MICALL2: variants seen among roughly 807,000 people sequenced by gnomAD.
The protein encoded by MICALL2 is MICAL-like protein 2.
MICALL2 carries 111 observed loss-of-function variants against 91.1 expected under a neutral mutation model. That is an observed-to-expected ratio of 1.22 (90% CI 1.04 to 1.43). MICALL2 has a LOEUF of 1.43. MICALL2 is among the 40% of genes most tolerant of loss of function. MICALL2 has a pLI of 0.00. For synonymous variants in MICALL2, 694 were observed against 525.3 expected (o/e 1.32, Z -4.39); for missense variants, 1,556 against 1,236.0 (o/e 1.26, Z -3.88).
At chr7:1,443,616 TAGAAGAGAC>T (rs1780417529) in intron 6 of MICALL2, among the ~76,000 whole-genome samples, 2 of 152,144 alleles carry the variant, frequency 1.3e-5, no homozygotes, top group South Asian at 4.1e-4. Context: ...ACCATGTCCT[TAGAAGAGAC>T]AGAAGAGGAG....
chr7:1,435,261 T>A, intron 15 of MICALL2, 114 bp from the exon 16 acceptor site: 1 of 1,007,162 alleles, frequency 9.9e-7, no homozygotes, highest in South Asian at 1.4e-5. Flanking sequence ...CCTGGACCCA[T>A]GCCACCTGCC....
intron 6 of MICALL2, 152 bp from the exon 7 acceptor site, chr7:1,442,636 C>A: frequency 1.4e-6 from 1 of 727,808 alleles, no homozygotes; most frequent in Non-Finnish European, 2.2e-6. Context: ...CTCCACCTCC[C>A]CCACCATTGC....
Position 1,434,377 on chromosome 7 carries a change from G to T in MICALL2, c.*219C>A, listed in dbSNP as rs755478897. On this transcript the variant is annotated 3_prime_UTR_variant, in exon 17 of 17. Coordinates refer to ENST00000297508, the MANE Select transcript of MICALL2 (RefSeq NM_182924.4). Reference sequence around the variant, plus strand: ...GTAGGAGTCCGGGGCCATGTGGTCGGTTTCTTTATTGAGACCACAGACGGT... The same window carrying T: ...GTAGGAGTCCGGGGCCATGTGGTCGTTTTCTTTATTGAGACCACAGACGGT... The T allele has an allele frequency of 2.4e-5, 16 of 670,946 alleles. No individual in the cohort carries two copies. Among genetic ancestry groups the T allele is most frequent in the Non-Finnish European group, 2.7e-6 (1 of 365,278 alleles). The allele number at this position is 670,946 out of a possible 1,614,324, so 41.6% of individuals were successfully genotyped here.
chr7:1,435,001 C>CCCCCCCCGG, intron 16 of MICALL2, 100 bp downstream of exon 16: 3 of 732,138 alleles, frequency 4.1e-6, no homozygotes, highest in South Asian at 1.9e-5. Flanking sequence ...CCCCCACCCC[C>CCCCCCCCGG]AGCTGGAGGC....
intron 10 of MICALL2, chr7:1,438,580 C>A (rs1049693501): frequency 8.4e-6 from 12 of 1,422,924 alleles, no homozygotes; most frequent in African/African-American, 2.9e-5. Context: ...GTCAGCAACA[C>A]CCCAGCCACC....
rs764566204 is a variant in MICALL2, at chr7:1,438,929, T to C, written c.2033A>G (p.Asn678Ser). The change falls in exon 10 of 17, where the codon AAC becomes AGC. Residue 678 changes from asparagine to serine, a missense_variant. By Grantham distance (46) the Asn-to-Ser change is conservative. Coordinates refer to ENST00000297508, the MANE Select transcript of MICALL2 (RefSeq NM_182924.4). ...AVPASLDVCDNWLRPEPPGQE... is the reference protein window; with the variant it reads ...AVPASLDVCDSWLRPEPPGQE... ...GCCAGGGGGCTCCGGCCGAAGCCAG[T>C]TGTCACAAACGTCGAGGCTGGCAGG... 86 of 1,607,800 alleles carry C rather than the reference T, an allele frequency of 5.3e-5. No homozygotes were observed. Among genetic ancestry groups the C allele is most frequent in the Non-Finnish European group, 7.1e-5 (84 of 1,179,508 alleles).
At chr7:1,434,980 T>TTGCCCCCCCCCC in intron 16 of MICALL2, 121 bp downstream of exon 16, 1 of 628,932 alleles carries the variant, frequency 1.6e-6, no homozygotes. Flanking sequence ...GGGGACCCGA[T>TTGCCCCCCCCCC]ACCCGCCCCC....
chr7:1,437,913 T>C lies in MICALL2; in HGVS notation c.2379A>G (p.Arg793=), dbSNP rs567060559. ...ACTTGTACATCAGCTCTGACTCCTGTCTCAGCAGAAGCTGCTTCTCGTGAA... is the reference window on the plus strand; with the variant it reads ...ACTTGTACATCAGCTCTGACTCCTGCCTCAGCAGAAGCTGCTTCTCGTGAA... The part of the protein sequence containing the change: ...WLIHEKQLLL[R]QESELMYKSK... The change falls in exon 13 of 17, where the codon AGA becomes AGG. Residue 793 remains arginine, a synonymous_variant. Coordinates refer to ENST00000297508, the MANE Select transcript of MICALL2 (RefSeq NM_182924.4). 1.9e-6 allele frequency: 3 copies of C among 1,549,296 alleles called. No homozygotes were observed. The highest frequency in any genetic ancestry group is 2.4e-5 in the East Asian group (1 of 40,938).
chr7:1,445,788 GGCCTCACA>G (rs1340793077), intron 5 of MICALL2, among the ~76,000 whole-genome samples: 2 of 152,248 alleles, frequency 1.3e-5, no homozygotes, highest in East Asian at 3.9e-4. Context: ...GACCCACCCT[GGCCTCACA>G]GCGTGGGGGA....
chr7:1,456,606 A>AG (rs1427894424), intron 1 of MICALL2, among the ~76,000 whole-genome samples: 9 of 151,902 alleles, frequency 5.9e-5, no homozygotes, highest in African/African-American at 1.9e-4. Context: ...ATAAATAAAT[A>AG]AATAGATAAA....
chr7:1,448,950 C>T (rs994914546), intron 2 of MICALL2, among the ~76,000 whole-genome samples, 189 bp from the exon 3 acceptor site: 1 of 152,224 alleles, frequency 6.6e-6, no homozygotes, highest in African/African-American at 2.4e-5. Flanking sequence ...GGATCACGGT[C>T]CCATCTGCAC....
At chr7:1,435,019 AC>A in intron 16 of MICALL2, 81 bp downstream of exon 16, 1 of 333,074 alleles carries the variant, frequency 3.0e-6, no homozygotes, top group South Asian at 3.8e-5. Flanking sequence ...GGCCCGGTCC[AC>A]CCAGCCAGCC....
At chr7:1,440,530 A>G (rs1299381712) in intron 8 of MICALL2, 61 bp downstream of exon 8, 14 of 1,413,070 alleles carry the variant, frequency 9.9e-6, no homozygotes, top group East Asian at 2.3e-5. Flanking sequence ...TTACATACTC[A>G]CTGCATTTAT....
At chr7:1,446,634 G>A in intron 5 of MICALL2, 79 bp downstream of exon 5, 2 of 1,029,390 alleles carry the variant, frequency 1.9e-6, no homozygotes, top group East Asian at 2.6e-5. Flanking sequence ...AGGAGGCCGG[G>A]TGGGAGGCGA....
At chr7:1,439,695 G>A (rs2128520105) in intron 9 of MICALL2, 3 of 425,610 alleles carry the variant, frequency 7.0e-6, no homozygotes, top group South Asian at 7.4e-5. Context: ...GCGCACACAT[G>A]CATCACGCAT....
chr7:1,449,552 T>TAAGTTCA (rs1223376720), intron 2 of MICALL2, among the ~76,000 whole-genome samples: 2 of 152,226 alleles, frequency 1.3e-5, no homozygotes, highest in African/African-American at 4.8e-5. Context: ...AGTTAAAGCT[T>TAAGTTCA]AAGTTCAAAT....
intron 12 of MICALL2, 34 bp downstream of exon 12, chr7:1,438,063 T>C (rs754541597): frequency 6.4e-7 from 1 of 1,565,146 alleles, no homozygotes; most frequent in East Asian, 2.3e-5. Context: ...TCTGTGGGAG[T>C]CGGGCTGGCC....
intron 7 of MICALL2, 93 bp from the exon 8 acceptor site, chr7:1,440,777 A>G: frequency 9.4e-7 from 1 of 1,061,806 alleles, no homozygotes; most frequent in African/African-American, 1.6e-5. Flanking sequence ...CCATCTTCCC[A>G]TAGCCACTCC....
chr7:1,455,959 C>A (rs1180474094), intron 1 of MICALL2, among the ~76,000 whole-genome samples: 1 of 151,910 alleles, frequency 6.6e-6, no homozygotes, highest in Non-Finnish European at 1.5e-5. Context: ...TGTGCCTGTC[C>A]CTCACACGCG....
Sources: gnomAD v4.1 joint callset for allele counts (sites outside exome capture counted in the v4.1 genomes callset) on GRCh38, gnomAD v4.1.1 for gene constraint, MANE v1.5 for transcripts, NCBI Gene and HGNC (gene_info 2026-07-23, HGNC 2026-07-21) for gene names.